MYO16: variants seen among roughly 807,000 people sequenced by gnomAD.
The protein encoded by MYO16 is unconventional myosin-XVI.
Under a neutral mutation model 205.3 loss-of-function variants are expected in MYO16, and 94 were observed. The ratio of observed to expected loss-of-function variants is 0.46; its 90% CI spans 0.39 to 0.54. MYO16 has a LOEUF of 0.54. MYO16 is among the 20% of genes least tolerant of loss of function. The pLI is 0.00. For missense variants in MYO16, 2,315 were observed against 2,387.5 expected (o/e 0.97, Z 0.63); for synonymous variants, 988 against 954.0 (o/e 1.04, Z -0.66).
At chr13:108,789,075 C>A (rs181099848) in intron 5 of MYO16, among the ~76,000 whole-genome samples, 2 of 152,168 alleles carry the variant, frequency 1.3e-5, no homozygotes, top group Non-Finnish European at 2.9e-5. Flanking sequence ...TCTTTCCAGA[C>A]CTTCACTCCT....
chr13:108,885,292 T>C (rs2139172362), intron 13 of MYO16, among the ~76,000 whole-genome samples: 1 of 152,316 alleles, frequency 6.6e-6, no homozygotes, highest in African/African-American at 2.4e-5. Flanking sequence ...GCTAATTTTG[T>C]ATTTTTAGTA....
chr13:108,977,409 C>T (rs563278056), intron 20 of MYO16, among the ~76,000 whole-genome samples: 9 of 152,164 alleles, frequency 5.9e-5, no homozygotes, highest in Admixed American at 2.0e-4. Context: ...GCAAGGAGAA[C>T]GATTATTTGC....
At chr13:108,928,046 CCTT>C (rs1173097984) in intron 16 of MYO16, among the ~76,000 whole-genome samples, 1 of 152,252 alleles carries the variant, frequency 6.6e-6, no homozygotes, top group Non-Finnish European at 1.5e-5. Context: ...CAGCCTGTCT[CCTT>C]CTTTGCTCTG....
At chr13:108,640,429 A>G (rs926455434) in intron 1 of MYO16, among the ~76,000 whole-genome samples, 2 of 152,200 alleles carry the variant, frequency 1.3e-5, no homozygotes, top group East Asian at 3.9e-4. Flanking sequence ...AGAGTACAGA[A>G]CACATATGAG....
Position 108,957,784 on chromosome 13 carries a change from T to G in MYO16, c.2022T>G (p.Val674=), listed in dbSNP as rs746573250. The change falls in exon 17 of 35, where the codon GTT becomes GTG. Residue 674 remains valine, a synonymous_variant. Transcript: ENST00000457511. ...LAVLKRALNV[V]GFSSLEVENL... ...TTTTGAAACGAGCCCTGAATGTAGT[T>G]GGCTTCAGCAGCTTGGTGAGTCATG... 1.2e-6 allele frequency: 2 copies of G among 1,613,444 alleles called. No homozygotes were observed. Among genetic ancestry groups the G allele is most frequent in the African/African-American group, 1.3e-5 (1 of 75,020 alleles).
intron 3 of MYO16, among the ~76,000 whole-genome samples, chr13:108,713,252 G>C (rs1440290052): frequency 1.3e-5 from 2 of 152,174 alleles, no homozygotes; most frequent in African/African-American, 4.8e-5. Context: ...TCTGTTCAGG[G>C]CAAAAATGAG....
intron 1 of MYO16, among the ~76,000 whole-genome samples, chr13:108,622,953 G>A (rs1879599494): frequency 6.6e-6 from 1 of 152,112 alleles, no homozygotes; most frequent in Non-Finnish European, 1.5e-5. Flanking sequence ...TTTATAAGCT[G>A]CACATATGCC....
chr13:109,044,298 A>C (rs774206267), intron 23 of MYO16, among the ~76,000 whole-genome samples: 6 of 152,212 alleles, frequency 3.9e-5, no homozygotes, highest in Non-Finnish European at 8.8e-5. Context: ...AATGAAAAGC[A>C]TGTTTAGAAA....
At chr13:109,168,845 G>A (rs2139887770) in intron 33 of MYO16, among the ~76,000 whole-genome samples, 1 of 152,202 alleles carries the variant, frequency 6.6e-6, no homozygotes. Context: ...AGAACTTTTA[G>A]GACATGTCTA....
chr13:108,920,817 G>A (rs568567386), intron 16 of MYO16, among the ~76,000 whole-genome samples: 6 of 152,104 alleles, frequency 3.9e-5, no homozygotes, highest in South Asian at 2.1e-4. Flanking sequence ...ATTTATTTTC[G>A]TATCTTAAAT....
At chr13:108,736,172 G>A (rs531066881) in intron 4 of MYO16, among the ~76,000 whole-genome samples, 1 of 152,218 alleles carries the variant, frequency 6.6e-6, no homozygotes, top group East Asian at 1.9e-4. Context: ...GTCAATTTTG[G>A]CTTTTGTTGC....
chr13:108,541,598 T>C, the MYO16 span, among the ~76,000 whole-genome samples: 1 of 152,008 alleles, frequency 6.6e-6, no homozygotes, highest in Non-Finnish European at 1.5e-5. Context: ...CCATAAAAAG[T>C]TTTCATTATA....
At chr13:108,939,674 T>A (rs1012577497) in intron 16 of MYO16, among the ~76,000 whole-genome samples, 1 of 152,228 alleles carries the variant, frequency 6.6e-6, no homozygotes, top group African/African-American at 2.4e-5. Context: ...TATTTGAGAA[T>A]ATTATTGGAG....
At chr13:109,174,987 T>C (rs1206740555) in intron 33 of MYO16, among the ~76,000 whole-genome samples, 2 of 152,082 alleles carry the variant, frequency 1.3e-5, no homozygotes, top group Non-Finnish European at 2.9e-5. Flanking sequence ...GCTGACCTCG[T>C]GATCTGCCCG....
At position 108,941,957 on chromosome 13, in the gene MYO16, G is replaced by C. The variant is rs149053966; in HGVS notation, c.1926-15731G>C. 7.8e-3 allele frequency among the ~76,000 whole-genome samples: 1,183 copies of C among 152,216 alleles called. 15 individuals are homozygous for C. Among genetic ancestry groups the C allele is most frequent in the African/African-American group, 0.027 (1,142 of 41,546 alleles). On this transcript the variant is annotated intron_variant, in intron 16 of 34. Transcript: ENST00000457511. ...AAAGCAAATTTTGTTTTGTTTAATT[G>C]ACTTTGAATTTTCTTAAATGCCTAA...
chr13:108,941,807 A>C (rs1230745906), intron 16 of MYO16, among the ~76,000 whole-genome samples: 1 of 152,046 alleles, frequency 6.6e-6, no homozygotes, highest in Non-Finnish European at 1.5e-5. Flanking sequence ...TTCAAACAAG[A>C]GAAATGCTCT....
At chr13:108,746,767 C>T (rs1439192352) in intron 4 of MYO16, among the ~76,000 whole-genome samples, 1 of 151,974 alleles carries the variant, frequency 6.6e-6, no homozygotes, top group Non-Finnish European at 1.5e-5. Flanking sequence ...CACCAAGCCA[C>T]ACAGATCCGA....
At chr13:108,720,585 T>A (rs149408622) in intron 3 of MYO16, among the ~76,000 whole-genome samples, 1 of 152,290 alleles carries the variant, frequency 6.6e-6, no homozygotes, top group Non-Finnish European at 1.5e-5. Context: ...TTGTTGTTGT[T>A]GTTGTTTTTT....
intron 3 of MYO16, among the ~76,000 whole-genome samples, chr13:108,714,222 A>T (rs1883842997): frequency 1.3e-5 from 2 of 152,078 alleles, no homozygotes; most frequent in African/African-American, 4.8e-5. Flanking sequence ...CGCCCAGCGA[A>T]TTTTTTGTAT....
Sources: allele counts gnomAD v4.1 joint callset (sites outside exome capture counted in the v4.1 genomes callset), GRCh38; gene constraint gnomAD v4.1.1; transcripts MANE v1.5; gene names NCBI Gene and HGNC (gene_info 2026-07-23, HGNC 2026-07-21).